Variants in FMN2 observed in about 807,000 individuals in gnomAD.
FMN2 encodes the protein formin-2.
FMN2 carries 51 observed loss-of-function variants against 142.3 expected under a neutral mutation model. The observed-to-expected ratio is 0.36, with a 90% CI of 0.29 to 0.45. The LOEUF is 0.45. Among genes scored for constraint, FMN2 ranks in the 20% least tolerant of loss-of-function variants. The pLI is 1.00. For missense variants in FMN2, 1,936 were observed against 2,122.8 expected, an observed-to-expected ratio of 0.91 and a Z score of 1.73; for synonymous variants, 882 against 869.8, an observed-to-expected ratio of 1.01 and a Z score of -0.25.
intron 4 of FMN2, among the ~76,000 whole-genome samples, chr1:240,193,625 GACCT>G (rs1665800090): frequency 6.6e-6 from 1 of 152,252 alleles, no homozygotes; most frequent in Non-Finnish European, 1.5e-5. Context: ...TAGTCCAGGT[GACCT>G]GAGAGGCAGC....
chr1:240,262,829 C>G (rs1373930017), intron 7 of FMN2, among the ~76,000 whole-genome samples: 1 of 145,044 alleles, frequency 6.9e-6, no homozygotes, highest in Non-Finnish European at 1.5e-5. Context: ...GGCGCAATCT[C>G]AGCTCACTAC....
At chr1:240,214,275 G>T (rs1041697432) in intron 6 of FMN2, among the ~76,000 whole-genome samples, 22 of 152,092 alleles carry the variant, frequency 1.4e-4, no homozygotes, top group Admixed American at 1.4e-3. Context: ...ATCTTGGCCG[G>T]GTGTGGTGGC....
chr1:240,316,585 G>A (rs1192917837), intron 8 of FMN2, among the ~76,000 whole-genome samples: 1 of 152,066 alleles, frequency 6.6e-6, no homozygotes, highest in Non-Finnish European at 1.5e-5. Flanking sequence ...AGGAAATGTT[G>A]GTAACAGGAT....
At chr1:240,431,410 A>G (rs908290830) in intron 15 of FMN2, among the ~76,000 whole-genome samples, 1 of 147,626 alleles carries the variant, frequency 6.8e-6, no homozygotes, top group Non-Finnish European at 1.5e-5. Context: ...TTTTATATAT[A>G]TATATATATA....
At chr1:240,272,792 C>T (rs76685276) in intron 7 of FMN2, among the ~76,000 whole-genome samples, 2,853 of 152,244 alleles carry the variant, frequency 0.019, 73 homozygotes, top group African/African-American at 0.065. Flanking sequence ...AATGACATTT[C>T]GTGCTGTTGA....
chr1:240,232,621 G>A (rs1479441091), intron 6 of FMN2, among the ~76,000 whole-genome samples: 1 of 152,104 alleles, frequency 6.6e-6, no homozygotes, highest in East Asian at 1.9e-4. Flanking sequence ...ATGGCAACCA[G>A]GATTGCATGC....
chr1:240,265,826 G>A (rs574530350), intron 7 of FMN2, among the ~76,000 whole-genome samples: 2 of 151,880 alleles, frequency 1.3e-5, no homozygotes, highest in Admixed American at 6.6e-5. Flanking sequence ...AGTTTCCTTC[G>A]TGTGTTTCTT....
At chr1:240,387,037 A>G (rs577142107) in intron 14 of FMN2, among the ~76,000 whole-genome samples, 1 of 152,332 alleles carries the variant, frequency 6.6e-6, no homozygotes, top group African/African-American at 2.4e-5. Flanking sequence ...TTGCTAAAAT[A>G]ATAGGTGCAG....
chr1:240,211,354 A>G (rs1215360235), intron 6 of FMN2, 119 bp downstream of exon 6: 6 of 930,192 alleles, frequency 6.5e-6, no homozygotes, highest in East Asian at 4.9e-5. Flanking sequence ...TCTTAGGCAG[A>G]CAGCAAGGGT....
intron 15 of FMN2, among the ~76,000 whole-genome samples, 183 bp downstream of exon 15, chr1:240,392,745 C>G (rs561224788): frequency 1.4e-4 from 22 of 152,252 alleles, no homozygotes; most frequent in African/African-American, 5.3e-4. Flanking sequence ...TTCTGGGTAA[C>G]ATATAATTCT....
At chr1:240,346,420 T>C (rs1262334889) in intron 13 of FMN2, among the ~76,000 whole-genome samples, 3 of 152,140 alleles carry the variant, frequency 2.0e-5, no homozygotes, top group African/African-American at 7.2e-5. Flanking sequence ...TTTCCGACTG[T>C]GCTTAACCAT....
chr1:240,468,340 G>GTA (rs1194435137), intron 16 of FMN2, among the ~76,000 whole-genome samples: 2 of 88,726 alleles, frequency 2.3e-5, no homozygotes, highest in African/African-American at 7.0e-5. Flanking sequence ...ACATATATAC[G>GTA]TATATATATC....
At chr1:240,356,848 A>G (rs1572225092) in intron 14 of FMN2, among the ~76,000 whole-genome samples, 1 of 152,228 alleles carries the variant, frequency 6.6e-6, no homozygotes, top group African/African-American at 2.4e-5. Flanking sequence ...AATGTTAGGC[A>G]CAGCTTTTTT....
At chr1:240,283,603 A>G (rs1236004998) in intron 7 of FMN2, among the ~76,000 whole-genome samples, 1 of 152,202 alleles carries the variant, frequency 6.6e-6, no homozygotes, top group African/African-American at 2.4e-5. Context: ...GGCATGATAC[A>G]ATAATGTCTA....
intron 2 of FMN2, among the ~76,000 whole-genome samples, chr1:240,150,845 T>C (rs1468269197): frequency 6.6e-6 from 1 of 152,214 alleles, no homozygotes; most frequent in African/African-American, 2.4e-5. Context: ...TTAACTGCTG[T>C]GTCTATTATG....
chr1:240,216,503 A>G (rs896896509), intron 6 of FMN2, among the ~76,000 whole-genome samples: 1 of 152,220 alleles, frequency 6.6e-6, no homozygotes. Context: ...AATGGGAGAA[A>G]AAGTATGACA....
chr1:240,101,394 G>C (rs1025793692), intron 1 of FMN2, among the ~76,000 whole-genome samples: 1 of 152,182 alleles, frequency 6.6e-6, no homozygotes, highest in Admixed American at 6.5e-5. Flanking sequence ...TTGATGGTGA[G>C]AGTGGTGATG....
At chr1:240,348,809 G>A (rs1015129979) in intron 13 of FMN2, among the ~76,000 whole-genome samples, 6 of 152,196 alleles carry the variant, frequency 3.9e-5, no homozygotes, top group African/African-American at 1.4e-4. Flanking sequence ...GTGAAAGGTA[G>A]TGAGGCCAGA....
At chr1:240,283,433 T>G (rs1669482487) in intron 7 of FMN2, among the ~76,000 whole-genome samples, 1 of 152,208 alleles carries the variant, frequency 6.6e-6, no homozygotes, top group Non-Finnish European at 1.5e-5. Flanking sequence ...TCTCAGGCAT[T>G]TCGGCCTTTG....
Sources: gnomAD v4.1 joint callset for allele counts (sites outside exome capture counted in the v4.1 genomes callset) on GRCh38, gnomAD v4.1.1 for gene constraint, MANE v1.5 for transcripts, NCBI Gene and HGNC (gene_info 2026-07-23, HGNC 2026-07-21) for gene names.